Variants in PRIM2 observed in about 807,000 individuals in gnomAD.
PRIM2 encodes DNA primase subunit 2.
PRIM2 carries 39 observed loss-of-function variants against 67.3 expected under a neutral mutation model. That is an observed-to-expected ratio of 0.58 (90% CI 0.45 to 0.76). The LOEUF is 0.76. Ranked by LOEUF, PRIM2 falls within the 30% of genes least tolerant of loss-of-function variation. The pLI is 0.00. For missense variants in PRIM2, 398 were observed against 598.7 expected (o/e 0.66, Z 3.50); for synonymous variants, 143 against 198.7 (o/e 0.72, Z 2.36).
chr6:57,330,577 G>C (rs1202215286), intron 5 of PRIM2, among the ~76,000 whole-genome samples: 1 of 151,778 alleles, frequency 6.6e-6, no homozygotes, highest in African/African-American at 2.4e-5. Flanking sequence ...TTACTACAGA[G>C]ATATTCTGAC....
At position 57,488,640 on chromosome 6, in the gene PRIM2, C is replaced by T. The variant is rs1281357313; in HGVS notation, c.694-18747C>T. Reference sequence around the variant, plus strand: ...CAAGGAGCATAACAACACCTACTGTCAGGAGCAGCAGTCCCAGGATGTCAG... The same window carrying T: ...CAAGGAGCATAACAACACCTACTGTTAGGAGCAGCAGTCCCAGGATGTCAG... On this transcript the variant is annotated intron_variant, in intron 7 of 13. Coordinates refer to ENST00000615550, the MANE Select transcript of PRIM2 (RefSeq NM_000947.5). Among the ~76,000 whole-genome samples the T allele has an allele frequency of 2.0e-5, 3 of 152,332 alleles. No individual in the cohort carries two copies. The East Asian group carries it at 5.8e-4, about 29-fold the overall frequency.
At position 57,593,487 on chromosome 6, in the gene PRIM2, G is replaced by C. The variant is rs1210123026; in HGVS notation, c.1021-7606G>C. Among the ~76,000 whole-genome samples, 1,422 of 152,150 alleles carry C rather than the reference G, an allele frequency of 9.3e-3. 22 individuals are homozygous for C. Among genetic ancestry groups the C allele is most frequent in the African/African-American group, 0.032 (1,349 of 41,518 alleles). ...CCAGCTAATTTTTGTATTATTAGTAGAGATGGGGTTTCACCATGTTGGCCA... is the reference window on the plus strand; with the variant it reads ...CCAGCTAATTTTTGTATTATTAGTACAGATGGGGTTTCACCATGTTGGCCA... On this transcript the variant is annotated intron_variant, in intron 10 of 13. Coordinates refer to ENST00000615550, the MANE Select transcript of PRIM2 (RefSeq NM_000947.5).
chr6:57,306,492 T>C, the PRIM2 span, among the ~76,000 whole-genome samples: 1 of 152,102 alleles, frequency 6.6e-6, no homozygotes, highest in Non-Finnish European at 1.5e-5. Flanking sequence ...GACCTTTGCA[T>C]CCTGGCACCA....
chr6:57,404,113 T>G (rs1259273671), intron 7 of PRIM2, among the ~76,000 whole-genome samples: 12 of 101,980 alleles, frequency 1.2e-4, no homozygotes, highest in Non-Finnish European at 2.0e-4. Flanking sequence ...TCTATAAAAC[T>G]TACCAAGCAG....
At chr6:57,591,118 G>A (rs1220827811) in intron 10 of PRIM2, among the ~76,000 whole-genome samples, 1 of 152,158 alleles carries the variant, frequency 6.6e-6, no homozygotes, top group Non-Finnish European at 1.5e-5. Flanking sequence ...GAAGTTAAGA[G>A]TTAAAGGGAA....
the PRIM2 span, among the ~76,000 whole-genome samples, chr6:57,235,218 T>A: frequency 6.6e-6 from 1 of 152,056 alleles, no homozygotes; most frequent in Non-Finnish European, 1.5e-5. Flanking sequence ...ATCCCCGCAC[T>A]TTCGGAGGCC....
At chr6:57,620,630 C>A (rs1356977097) in intron 12 of PRIM2, among the ~76,000 whole-genome samples, 1 of 152,152 alleles carries the variant, frequency 6.6e-6, no homozygotes, top group African/African-American at 2.4e-5. Context: ...ATAAATCTCA[C>A]AGGACCTGTA....
At chr6:57,304,279 A>C in the PRIM2 span, among the ~76,000 whole-genome samples, 1 of 152,252 alleles carries the variant, frequency 6.6e-6, no homozygotes, top group African/African-American at 2.4e-5. Flanking sequence ...CAGAGAATCA[A>C]TTGGTTGCAG....
chr6:57,299,946 C>T, the PRIM2 span, among the ~76,000 whole-genome samples: 3 of 152,116 alleles, frequency 2.0e-5, no homozygotes, highest in African/African-American at 7.2e-5. Flanking sequence ...TTGCCAAGCA[C>T]CACTTGGCAA....
chr6:57,444,375 T>TGAC (rs759859987), intron 7 of PRIM2, among the ~76,000 whole-genome samples: 7 of 152,148 alleles, frequency 4.6e-5, no homozygotes, highest in Non-Finnish European at 5.9e-5. Flanking sequence ...GAGACCAGCC[T>TGAC]GACGAACATA....
chr6:57,620,677 C>G (rs1207773662), intron 12 of PRIM2, among the ~76,000 whole-genome samples: 4 of 152,114 alleles, frequency 2.6e-5, no homozygotes, highest in Admixed American at 1.3e-4. Context: ...AAACAAAAAA[C>G]CAAAGTATGC....
the PRIM2 span, among the ~76,000 whole-genome samples, chr6:57,236,821 G>C: frequency 6.6e-6 from 1 of 152,112 alleles, no homozygotes; most frequent in African/African-American, 2.4e-5. Context: ...ATCATTGATG[G>C]ACATTTGGGT....
At chr6:57,530,212 T>C (rs1199838369) in intron 8 of PRIM2, among the ~76,000 whole-genome samples, 1 of 152,130 alleles carries the variant, frequency 6.6e-6, no homozygotes, top group Non-Finnish European at 1.5e-5. Context: ...AGTAAGTGGT[T>C]CTCAAAAAAA....
At chr6:57,341,393 A>G (rs544918945) in intron 5 of PRIM2, among the ~76,000 whole-genome samples, 2 of 152,316 alleles carry the variant, frequency 1.3e-5, no homozygotes, top group South Asian at 2.1e-4. Flanking sequence ...AAGATAGAGT[A>G]ACAAAGTATT....
intron 7 of PRIM2, among the ~76,000 whole-genome samples, chr6:57,471,540 G>A (rs1412795377): frequency 6.6e-6 from 1 of 152,126 alleles, no homozygotes; most frequent in Non-Finnish European, 1.5e-5. Flanking sequence ...AGAAAGAAAT[G>A]GATTGACTCC....
chr6:57,466,484 T>G (rs1773196284), intron 7 of PRIM2, among the ~76,000 whole-genome samples: 1 of 152,214 alleles, frequency 6.6e-6, no homozygotes. Context: ...CCAGCATCTG[T>G]TGTTTCCTGA....
At chr6:57,578,847 T>G (rs1776019802) in intron 10 of PRIM2, among the ~76,000 whole-genome samples, 1 of 151,510 alleles carries the variant, frequency 6.6e-6, no homozygotes, top group East Asian at 1.9e-4. Flanking sequence ...CGGCTAATTT[T>G]TTGTATTTTT....
chr6:57,639,530 G>A (rs1439069834), intron 13 of PRIM2, among the ~76,000 whole-genome samples: 10 of 151,180 alleles, frequency 6.6e-5, no homozygotes, highest in Non-Finnish European at 1.2e-4. Flanking sequence ...AGAAAAGAGA[G>A]AAGAATCAAA....
At position 57,502,459 on chromosome 6, in the gene PRIM2, C is replaced by G. The variant is rs1242396695; in HGVS notation, c.694-4928C>G. ...GTTTTCATGTTCTCTGCTTCACTAT[C>G]CGATGCCGGAAAGCTCCACCTTTGG... is the stretch of plus-strand genomic sequence containing the variant. On this transcript the variant is annotated intron_variant, in intron 7 of 13. Transcript: ENST00000615550. 5.8e-4 allele frequency among the ~76,000 whole-genome samples: 89 copies of G among 152,310 alleles called. 1 individual carries two copies. The South Asian group carries it at 0.018, about 31-fold the overall frequency.
Sources: gnomAD v4.1 joint callset for allele counts (sites outside exome capture counted in the v4.1 genomes callset) on GRCh38, gnomAD v4.1.1 for gene constraint, MANE v1.5 for transcripts, NCBI Gene and HGNC (gene_info 2026-07-23, HGNC 2026-07-21) for gene names.